The following KATNB1 variants were observed in gnomAD, a reference collection of about 807,000 sequenced individuals.
KATNB1 encodes the protein katanin regulatory subunit B1, also known as katanin p80 WD40 repeat-containing subunit B1.
Under a neutral mutation model 82.3 loss-of-function variants are expected in KATNB1, and 38 were observed. The ratio of observed to expected loss-of-function variants is 0.46; its 90% CI spans 0.36 to 0.61. The LOEUF (loss-of-function observed/expected upper bound fraction) is 0.61. Among genes scored for constraint, KATNB1 ranks in the 20% least tolerant of loss-of-function variants. The probability of loss-of-function intolerance (pLI) is 0.00; values close to 1 mark genes in which losing one functional copy is unlikely to be tolerated. For synonymous variants in KATNB1, 361 were observed against 368.7 expected, an observed-to-expected ratio of 0.98 and a Z score of 0.24; for missense variants, 749 against 915.7, an observed-to-expected ratio of 0.82 and a Z score of 2.35.
intron 2 of KATNB1, among the ~76,000 whole-genome samples, chr16:57,739,240 T>G (rs2148787813): frequency 6.6e-6 from 1 of 152,312 alleles, no homozygotes; most frequent in South Asian, 2.1e-4. Context: ...CTGCTGCTGA[T>G]TTCATGTGCA....
chr16:57,748,472 A>ATT (rs782768160), intron 4 of KATNB1, among the ~76,000 whole-genome samples: 7 of 141,030 alleles, frequency 5.0e-5, no homozygotes, highest in Admixed American at 1.4e-4. Flanking sequence ...TTTTTTTAAA[A>ATT]AAAAAAAAAA....
intron 4 of KATNB1, among the ~76,000 whole-genome samples, chr16:57,749,943 G>A (rs1410947372): frequency 1.3e-5 from 2 of 152,196 alleles, no homozygotes; most frequent in East Asian, 1.9e-4. Flanking sequence ...GAAGACTGGT[G>A]TGTGCACCAG....
At chr16:57,756,328 C>G in intron 18 of KATNB1, 28 bp from the exon 19 acceptor site, 1 of 1,588,818 alleles carries the variant, frequency 6.3e-7, no homozygotes, top group African/African-American at 1.3e-5. Flanking sequence ...CTTGGTCCAT[C>G]TGTGACTTCA....
chr16:57,748,850 C>A (rs2049203596), intron 4 of KATNB1, among the ~76,000 whole-genome samples: 1 of 152,242 alleles, frequency 6.6e-6, no homozygotes, highest in South Asian at 2.1e-4. Flanking sequence ...TCCGCCACAT[C>A]CTCTCTGGGC....
intron 12 of KATNB1, 33 bp from the exon 13 acceptor site, chr16:57,753,912 G>A: frequency 2.5e-6 from 4 of 1,611,940 alleles, no homozygotes; most frequent in Non-Finnish European, 3.4e-6. Context: ...CTGGCCAGGA[G>A]CGCTCACAGC....
intron 16 of KATNB1, 102 bp downstream of exon 16, chr16:57,755,596 C>T: frequency 6.8e-7 from 1 of 1,462,804 alleles, no homozygotes; most frequent in Non-Finnish European, 9.3e-7. Flanking sequence ...CCATGGGGGA[C>T]AGTGTGGGAT....
chr16:57,740,730 C>T (rs1555579192), intron 2 of KATNB1, among the ~76,000 whole-genome samples: 1 of 152,226 alleles, frequency 6.6e-6, no homozygotes, highest in African/African-American at 2.4e-5. Context: ...GCCATCTCCA[C>T]GGACCAGGCC....
At chr16:57,742,782 C>T (rs2049152300) in intron 3 of KATNB1, among the ~76,000 whole-genome samples, 1 of 152,240 alleles carries the variant, frequency 6.6e-6, no homozygotes, top group Non-Finnish European at 1.5e-5. Context: ...TGAACATCCT[C>T]AGCCACCTAG....
At chr16:57,741,453 G>A (rs1423044015) in intron 2 of KATNB1, among the ~76,000 whole-genome samples, 1 of 152,200 alleles carries the variant, frequency 6.6e-6, no homozygotes, top group African/African-American at 2.4e-5. Flanking sequence ...AAGTCTAAAG[G>A]TAGGAAAGAC....
At chr16:57,743,897 C>G (rs1001258914) in intron 3 of KATNB1, among the ~76,000 whole-genome samples, 3 of 152,222 alleles carry the variant, frequency 2.0e-5, no homozygotes, top group Non-Finnish European at 2.9e-5. Context: ...CTCCTTTCCA[C>G]GGGGATGGGC....
At position 57,752,364 on chromosome 16, in the gene KATNB1, G is replaced by A. The variant is rs1037619371; in HGVS notation, c.633-166G>A. On this transcript the variant is annotated intron_variant, in intron 8 of 19. Coordinates refer to ENST00000379661, the MANE Select transcript of KATNB1 (RefSeq NM_005886.3). ...GGCCAACCCTGGGGCCAGGGCCATC[G>A]GGCCGAGCCTCCCCCTTGCAAAGTC... 5.6e-5 allele frequency: 39 copies of A among 691,594 alleles called. No homozygotes were observed. The East Asian group carries it at 6.8e-4, about 12-fold the overall frequency. The allele number at this position is 691,594 out of a possible 1,614,324, so 42.8% of individuals were successfully genotyped here. A position where few individuals can be genotyped will look rare whatever the true frequency, so the allele number is the denominator to read the frequency against.
Position 57,752,643 on chromosome 16 carries a change from C to T in KATNB1, c.704+42C>T, listed in dbSNP as rs534801577. On this transcript the variant is annotated intron_variant, in intron 9 of 19. Transcript: ENST00000379661. ...GTGGGCGGCCCAGCGCTCCTCCCGGCAGTGGGGCGTGGCTGTGGGTGGGCC... is the reference window on the plus strand; with the variant it reads ...GTGGGCGGCCCAGCGCTCCTCCCGGTAGTGGGGCGTGGCTGTGGGTGGGCC... The T allele has an allele frequency of 4.5e-6, 7 of 1,547,690 alleles. No individual in the cohort carries two copies. The South Asian group carries it at 5.9e-5, about 13-fold the overall frequency.
intron 16 of KATNB1, 167 bp from the exon 17 acceptor site, chr16:57,755,674 G>T: frequency 9.9e-7 from 1 of 1,009,796 alleles, no homozygotes; most frequent in Non-Finnish European, 1.4e-6. Context: ...GCCGTTTAGT[G>T]AGCATCTGTT....
chr16:57,756,501 G>A (rs1285122836), intron 19 of KATNB1, 29 bp downstream of exon 19: 3 of 1,573,512 alleles, frequency 1.9e-6, no homozygotes, highest in East Asian at 2.2e-5. Context: ...TTGGGGGCAG[G>A]GGTGCCACAA....
intron 13 of KATNB1, among the ~76,000 whole-genome samples, chr16:57,754,576 C>A (rs2049260020): frequency 6.6e-6 from 1 of 152,172 alleles, no homozygotes; most frequent in Non-Finnish European, 1.5e-5. Flanking sequence ...CTGCCCTCCC[C>A]TCAGGGACCG....
chr16:57,747,139 C>T (rs2049189313), intron 4 of KATNB1, among the ~76,000 whole-genome samples: 1 of 152,206 alleles, frequency 6.6e-6, no homozygotes, highest in South Asian at 2.1e-4. Context: ...ACTTCAGCCT[C>T]CCAAAGTGCT....
At chr16:57,746,833 T>C (rs999478517) in intron 4 of KATNB1, among the ~76,000 whole-genome samples, 1 of 152,220 alleles carries the variant, frequency 6.6e-6, no homozygotes, top group East Asian at 1.9e-4. Flanking sequence ...TAGAACACCA[T>C]GCAGGCCAGC....
Position 57,750,882 on chromosome 16 carries a change from G to C in KATNB1, c.345G>C (p.Pro115=). Residue 115 remains proline (P), a synonymous_variant, in exon 5 of 20, where the codon CCG becomes CCC. Coordinates refer to ENST00000379661, the MANE Select transcript of KATNB1 (RefSeq NM_005886.3). ...ACATCTGCAGCCTGGATTTCCACCC[G>C]TACGGCGAGTTTGTAGCCTCTGGTT... ...KANICSLDFH[P]YGEFVASGSQ... 6.2e-7 allele frequency: 1 copy of C among 1,614,074 alleles called. No individual in the cohort carries two copies.
chr16:57,737,600 G>A (rs2049110498), intron 2 of KATNB1, among the ~76,000 whole-genome samples: 1 of 152,204 alleles, frequency 6.6e-6, no homozygotes, highest in African/African-American at 2.4e-5. Flanking sequence ...TTCCAGTTAG[G>A]CTGACAGTGG....
Sources: gnomAD v4.1 joint callset for allele counts (sites outside exome capture counted in the v4.1 genomes callset) on GRCh38, gnomAD v4.1.1 for gene constraint, MANE v1.5 for transcripts, NCBI Gene and HGNC (gene_info 2026-07-23, HGNC 2026-07-21) for gene names.